SCEL: variants seen among roughly 807,000 people sequenced by gnomAD.
SCEL encodes the protein sciellin.
SCEL carries 113 observed loss-of-function variants against 117.6 expected under a neutral mutation model. The observed-to-expected ratio is 0.96, with a 90% CI of 0.83 to 1.12. The LOEUF is 1.12. Among genes scored for constraint, SCEL ranks in the 50% most tolerant of loss-of-function variants. The probability of loss-of-function intolerance (pLI) is 0.00; values close to 1 mark genes in which losing one functional copy is unlikely to be tolerated. For synonymous variants in SCEL, 270 were observed against 256.2 expected (o/e 1.05, Z -0.51); for missense variants, 785 against 810.8 (o/e 0.97, Z 0.39).
chr13:77,609,185 A>G (rs1195368143), intron 21 of SCEL, 68 bp downstream of exon 21: 5 of 1,206,174 alleles, frequency 4.1e-6, no homozygotes, highest in Middle Eastern at 2.0e-4. Context: ...TTAAAGCATC[A>G]TTTCAGCTGA....
rs188439159 is a variant in SCEL at position 77,596,525 on chromosome 13, A to C, written c.753-1020A>C. Among the ~76,000 whole-genome samples, 9 of 152,278 alleles carry C rather than the reference A, an allele frequency of 5.9e-5. No individual in the cohort carries two copies. In the East Asian group the frequency reaches 1.3e-3, roughly 23 times the overall value. The stretch of plus-strand genomic sequence containing the variant: ...TAGTATTCTCATTTTACAAATGGGA[A>C]AATTAAGTCCACAGAAGGTTAGGTA... On this transcript the variant is annotated intron_variant, in intron 12 of 32. Coordinates refer to ENST00000349847, the MANE Select transcript of SCEL (RefSeq NM_144777.3).
At chr13:77,606,632 GT>G (rs2088213248) in intron 19 of SCEL, 1 of 152,132 alleles carries the variant, frequency 6.6e-6, no homozygotes, top group African/African-American at 2.4e-5. Context: ...GGGGCTAATT[GT>G]TTCATTATTT....
At chr13:77,572,474 C>T (rs1238106709) in intron 9 of SCEL, among the ~76,000 whole-genome samples, 1 of 152,184 alleles carries the variant, frequency 6.6e-6, no homozygotes, top group East Asian at 1.9e-4. Flanking sequence ...CAGACTGCCA[C>T]GAAGTGCCAC....
intron 7 of SCEL, 142 bp downstream of exon 7, chr13:77,568,475 A>T: frequency 1.8e-6 from 1 of 550,054 alleles, no homozygotes; most frequent in Non-Finnish European, 3.1e-6. Context: ...ACAATACCAA[A>T]ATGGTCTGTA....
At chr13:77,579,636 CT>C (rs1412342463) in intron 9 of SCEL, among the ~76,000 whole-genome samples, 4 of 152,220 alleles carry the variant, frequency 2.6e-5, no homozygotes, top group African/African-American at 9.6e-5. Flanking sequence ...AACTTGAAGG[CT>C]GGCCCTCATC....
At chr13:77,637,357 C>CATATACATATATAAAA (rs1567449665) in intron 30 of SCEL, among the ~76,000 whole-genome samples, 163 bp downstream of exon 30, 1 of 41,860 alleles carries the variant, frequency 2.4e-5, no homozygotes. Context: ...CATATATAAA[C>CATATACATATATAAAA]ATATATACAT....
At chr13:77,573,753 A>G (rs1215706222) in intron 9 of SCEL, among the ~76,000 whole-genome samples, 1 of 152,122 alleles carries the variant, frequency 6.6e-6, no homozygotes, top group Non-Finnish European at 1.5e-5. Context: ...ATTACTGAAC[A>G]TGTTGAGCAG....
intron 9 of SCEL, among the ~76,000 whole-genome samples, chr13:77,588,473 G>A (rs1019371202): frequency 2.0e-5 from 3 of 152,046 alleles, no homozygotes; most frequent in African/African-American, 7.3e-5. Context: ...GGAACACAGG[G>A]GAGTGACATA....
At chr13:77,573,462 T>A (rs762819661) in intron 9 of SCEL, among the ~76,000 whole-genome samples, 1 of 152,242 alleles carries the variant, frequency 6.6e-6, no homozygotes, top group Non-Finnish European at 1.5e-5. Context: ...GTTTATTTTA[T>A]AGAATTTTCC....
chr13:77,609,273 G>A (rs2154402767), intron 21 of SCEL, among the ~76,000 whole-genome samples, 156 bp downstream of exon 21: 1 of 152,238 alleles, frequency 6.6e-6, no homozygotes, highest in Admixed American at 6.5e-5. Context: ...AAAAATTTTG[G>A]TCAACCAATT....
In SCEL at chr13:77,640,765, G is replaced by T. The variant is rs756495443; in HGVS notation, c.1928G>T (p.Cys643Phe). ...KMILDELQIC[C>F]HSTCFKCEIC... is the part of the protein sequence containing the mutation. ...ATTTTAGATGAATTACAAATTTGCT[G>T]CCATTCTACTTGCTTTAAGGTAAGG... Residue 643 changes from cysteine to phenylalanine, a missense_variant, in exon 31 of 33, where the codon TGC becomes TTC. Physicochemically the swap from Cys to Phe is radical, Grantham distance 205. Coordinates refer to ENST00000349847, the MANE Select transcript of SCEL (RefSeq NM_144777.3). 8 of 1,586,274 alleles carry T rather than the reference G, an allele frequency of 5.0e-6. No individual in the cohort carries two copies. The highest frequency in any genetic ancestry group is 6.9e-6 in the Non-Finnish European group (8 of 1,157,758).
chr13:77,572,088 A>G (rs1269850618), intron 8 of SCEL, 36 bp from the exon 9 acceptor site: 2 of 1,579,764 alleles, frequency 1.3e-6, no homozygotes, highest in East Asian at 2.2e-5. Flanking sequence ...TCAGCCTTTC[A>G]ATCACAATGT....
chr13:77,539,530 C>G (rs1401011580), intron 1 of SCEL, among the ~76,000 whole-genome samples: 17 of 151,888 alleles, frequency 1.1e-4, no homozygotes, highest in Admixed American at 9.2e-4. Context: ...ATCTTGGAAA[C>G]TTAGAAAATA....
chr13:77,538,260 G>A (rs542864726), intron 1 of SCEL, among the ~76,000 whole-genome samples: 6 of 151,926 alleles, frequency 3.9e-5, no homozygotes, highest in African/African-American at 1.2e-4. Flanking sequence ...GGGAGTACAC[G>A]TGTGCACCAC....
chr13:77,540,158 TA>T (rs2083626962), intron 1 of SCEL, among the ~76,000 whole-genome samples: 4 of 152,146 alleles, frequency 2.6e-5, no homozygotes, highest in Admixed American at 1.3e-4. Flanking sequence ...AGAGATTACA[TA>T]AAACAACAAA....
At chr13:77,602,621 C>T in intron 16 of SCEL, 33 bp from the exon 17 acceptor site, 1 of 1,587,562 alleles carries the variant, frequency 6.3e-7, no homozygotes, top group Admixed American at 1.7e-5. Flanking sequence ...TGTACTGTAA[C>T]CTAACTGACA....
At chr13:77,587,511 C>T (rs1022808622) in intron 9 of SCEL, among the ~76,000 whole-genome samples, 23 of 152,034 alleles carry the variant, frequency 1.5e-4, no homozygotes, top group African/African-American at 5.6e-4. Flanking sequence ...CCCATTTTTT[C>T]CTAAATCCAC....
At chr13:77,600,324 T>G (rs1216552199) in intron 15 of SCEL, among the ~76,000 whole-genome samples, 2 of 151,914 alleles carry the variant, frequency 1.3e-5, no homozygotes, top group Non-Finnish European at 2.9e-5. Context: ...AGATGGTGTT[T>G]TACCATGTTG....
intron 27 of SCEL, among the ~76,000 whole-genome samples, chr13:77,622,017 C>T (rs1594149835): frequency 6.6e-6 from 1 of 152,246 alleles, no homozygotes; most frequent in Middle Eastern, 3.4e-3. Context: ...ATATGTAAAA[C>T]TCTAAAGAGT....
Sources: gnomAD v4.1 joint callset for allele counts (sites outside exome capture counted in the v4.1 genomes callset) on GRCh38, gnomAD v4.1.1 for gene constraint, MANE v1.5 for transcripts, NCBI Gene and HGNC (gene_info 2026-07-23, HGNC 2026-07-21) for gene names.